Variants in NRG3 observed in about 807,000 individuals in gnomAD.
The protein encoded by NRG3 is pro-neuregulin-3, membrane-bound isoform.
A neutral mutation model predicts 66.9 loss-of-function variants in NRG3; 31 were observed. The ratio of observed to expected loss-of-function variants is 0.46; its 90% confidence interval spans 0.35 to 0.63. NRG3 has a LOEUF of 0.63. Among genes scored for constraint, NRG3 ranks in the 20% least tolerant of loss-of-function variants. The probability of loss-of-function intolerance (pLI) is 0.00; values close to 1 mark genes in which losing one functional copy is unlikely to be tolerated. For missense variants in NRG3, 910 were observed against 878.9 expected (o/e 1.04, Z -0.45); for synonymous variants, 393 against 359.4 (o/e 1.09, Z -1.06).
Position 82,170,654 on chromosome 10 carries a change from G to GTGTATATATATATATA in NRG3, c.824-188084_824-188083insGTATATATATATATAT, listed in dbSNP as rs1554839695. On this transcript the variant is annotated intron_variant, in intron 1 of 8. Coordinates refer to ENST00000372141, the MANE Select transcript of NRG3 (RefSeq NM_001010848.4). Reference sequence around the variant, plus strand: ...TGAGATGATGTTTATAAAACTTGTGGTATATATATATATATATATATATAT... The same window carrying GTGTATATATATATATA: ...TGAGATGATGTTTATAAAACTTGTGGTGTATATATATATATATATATATATATATATATATATATAT... 6.7e-4 allele frequency among the ~76,000 whole-genome samples: 50 copies of GTGTATATATATATATA among 74,160 alleles called. 3 individuals are homozygous for GTGTATATATATATATA. The highest frequency in any genetic ancestry group is 1.2e-3 in the Non-Finnish European group (39 of 32,602). 48.7% of individuals were successfully genotyped at this position (74,160 alleles called of 152,430 possible).
At chr10:82,869,249 G>A (rs2135972785) in intron 4 of NRG3, among the ~76,000 whole-genome samples, 1 of 152,260 alleles carries the variant, frequency 6.6e-6, no homozygotes, top group South Asian at 2.1e-4. Context: ...TAGCAAAATT[G>A]AGTGCAAATT....
In NRG3 at chr10:81,988,296, T is replaced by A. The variant is rs755842931; in HGVS notation, c.823+112133T>A. Among the ~76,000 whole-genome samples the A allele has an allele frequency of 1.3e-4, 20 of 152,262 alleles. 1 individual carries two copies. The Middle Eastern group carries it at 0.01, about 78-fold the overall frequency. ...GATTTGAACTCAGTTCAAATAAGGC[T>A]CTGAAAGCTATGTTAAGGCCTCTCA... On this transcript the variant is annotated intron_variant, in intron 1 of 8. Transcript: ENST00000372141.
chr10:82,413,735 T>C (rs915264951), intron 2 of NRG3, among the ~76,000 whole-genome samples: 1 of 152,224 alleles, frequency 6.6e-6, no homozygotes, highest in African/African-American at 2.4e-5. Context: ...TCTTGATTAC[T>C]TGCTGTTCCT....
At chr10:82,181,368 A>T (rs2073405568) in intron 1 of NRG3, among the ~76,000 whole-genome samples, 1 of 151,456 alleles carries the variant, frequency 6.6e-6, no homozygotes, top group Non-Finnish European at 1.5e-5. Flanking sequence ...CCTTTTTAAG[A>T]TCTTTCTTCT....
intron 2 of NRG3, among the ~76,000 whole-genome samples, chr10:82,460,238 A>G (rs1183204063): frequency 6.6e-6 from 1 of 152,202 alleles, no homozygotes; most frequent in Non-Finnish European, 1.5e-5. Flanking sequence ...TGTCCACAGT[A>G]GAGCGCTTAA....
chr10:82,170,654 GTATA>G (rs370773918), intron 1 of NRG3, among the ~76,000 whole-genome samples: 3,024 of 73,896 alleles, frequency 0.041, 65 homozygotes, highest in Admixed American at 0.059. Flanking sequence ...AAAACTTGTG[GTATA>G]TATATATATA....
chr10:82,711,945 A>C (rs551402637), intron 2 of NRG3, among the ~76,000 whole-genome samples: 117 of 152,350 alleles, frequency 7.7e-4, no homozygotes, highest in African/African-American at 2.7e-3. Flanking sequence ...TTTGTAAATA[A>C]ATTTGAAATA....
At chr10:82,048,326 C>T (rs1301260043) in intron 1 of NRG3, among the ~76,000 whole-genome samples, 4 of 151,532 alleles carry the variant, frequency 2.6e-5, no homozygotes, top group African/African-American at 9.7e-5. Flanking sequence ...ACACCTATTC[C>T]AAAATTGACC....
At chr10:82,077,990 G>A (rs556264329) in intron 1 of NRG3, among the ~76,000 whole-genome samples, 1 of 152,050 alleles carries the variant, frequency 6.6e-6, no homozygotes, top group Non-Finnish European at 1.5e-5. Context: ...TTTGAGAGAC[G>A]CAAGCAATCT....
At chr10:82,154,270 A>C (rs2071014839) in intron 1 of NRG3, among the ~76,000 whole-genome samples, 1 of 151,982 alleles carries the variant, frequency 6.6e-6, no homozygotes, top group East Asian at 1.9e-4. Flanking sequence ...ACAAGGGTAC[A>C]ATTTCATTCC....
chr10:82,307,754 CT>C (rs77135870), intron 1 of NRG3, among the ~76,000 whole-genome samples: 35,312 of 149,302 alleles, frequency 0.24, 4,348 homozygotes, highest in Admixed American at 0.27. Context: ...CCAATTTCAT[CT>C]TTTTTTTTTC....
chr10:82,008,684 CTCTT>C (rs1449810710), intron 1 of NRG3, among the ~76,000 whole-genome samples: 1 of 152,138 alleles, frequency 6.6e-6, no homozygotes, highest in East Asian at 1.9e-4. Flanking sequence ...TTCTGGTAGT[CTCTT>C]TATTTTGATC....
intron 1 of NRG3, among the ~76,000 whole-genome samples, chr10:82,312,186 CA>C (rs1269471262): frequency 6.6e-6 from 1 of 152,052 alleles, no homozygotes; most frequent in Non-Finnish European, 1.5e-5. Context: ...TGATAGTTAA[CA>C]GAGGGCATCT....
At chr10:82,748,112 T>C (rs1038923419) in intron 3 of NRG3, among the ~76,000 whole-genome samples, 22 of 151,442 alleles carry the variant, frequency 1.5e-4, no homozygotes, top group African/African-American at 5.1e-4. Context: ...ACTCTGCAGA[T>C]AGGGGTAACA....
chr10:82,207,548 T>G (rs961131207), intron 1 of NRG3, among the ~76,000 whole-genome samples: 1 of 152,194 alleles, frequency 6.6e-6, no homozygotes, highest in Non-Finnish European at 1.5e-5. Context: ...TGCTGTTACA[T>G]TTTGTAAAAA....
chr10:82,091,153 A>G (rs1196503768), intron 1 of NRG3, among the ~76,000 whole-genome samples: 1 of 152,078 alleles, frequency 6.6e-6, no homozygotes, highest in Non-Finnish European at 1.5e-5. Context: ...GATAAGATAT[A>G]CATAATATTT....
At chr10:82,424,746 T>G (rs2089309036) in intron 2 of NRG3, among the ~76,000 whole-genome samples, 1 of 152,022 alleles carries the variant, frequency 6.6e-6, no homozygotes, top group Non-Finnish European at 1.5e-5. Flanking sequence ...ACTCCTATGC[T>G]TCTTTTAAAA....
chr10:82,123,780 GA>G (rs1224898423), intron 1 of NRG3, among the ~76,000 whole-genome samples: 16 of 152,074 alleles, frequency 1.1e-4, no homozygotes, highest in Non-Finnish European at 1.5e-5. Flanking sequence ...GAATCGTCTG[GA>G]AAACCTTAAA....
chr10:82,967,946 T>C (rs1414398744), intron 6 of NRG3, among the ~76,000 whole-genome samples: 1 of 152,210 alleles, frequency 6.6e-6, no homozygotes, highest in Non-Finnish European at 1.5e-5. Flanking sequence ...AAATTACTTC[T>C]TAAACATTCC....
Sources: gnomAD v4.1 joint callset for allele counts (sites outside exome capture counted in the v4.1 genomes callset) on GRCh38, gnomAD v4.1.1 for gene constraint, MANE v1.5 for transcripts, NCBI Gene and HGNC (gene_info 2026-07-23, HGNC 2026-07-21) for gene names.